Variants in KLRG1 observed in about 807,000 individuals in gnomAD.
KLRG1 encodes the protein killer cell lectin like receptor G1.
Under a neutral mutation model 21.8 loss-of-function variants are expected in KLRG1, and 16 were observed. That is an observed-to-expected ratio of 0.73 (90% CI 0.50 to 1.11). The LOEUF (loss-of-function observed/expected upper bound fraction) is 1.11, where lower values mean the gene tolerates loss of function less well. Ranked by LOEUF, KLRG1 falls within the 50% of genes most tolerant of loss-of-function variation. KLRG1 has a pLI of 0.00. For synonymous variants in KLRG1, 69 were observed against 75.9 expected, an observed-to-expected ratio of 0.91 and a Z score of 0.47; for missense variants, 173 against 218.3, an observed-to-expected ratio of 0.79 and a Z score of 1.31.
chr12:8,968,064 G>A (rs773286815), intron 1 of KLRG1, among the ~76,000 whole-genome samples: 8 of 151,898 alleles, frequency 5.3e-5, no homozygotes, highest in South Asian at 2.1e-4. Context: ...AAAGACATTC[G>A]GTTTAAAAAA....
chr12:8,977,370 A>ATTTTTT (rs1229287155), intron 1 of KLRG1, among the ~76,000 whole-genome samples: 8 of 127,832 alleles, frequency 6.3e-5, no homozygotes, highest in Non-Finnish European at 1.1e-4. Flanking sequence ...TGCCTGGCTA[A>ATTTTTT]TTTTTTTTTT....
chr12:9,068,112 A>T, the KLRG1 span: 1 of 1,516,930 alleles, frequency 6.6e-7, no homozygotes, highest in Non-Finnish European at 9.0e-7. Flanking sequence ...CCAGCGTTTT[A>T]TGAAGGAGAA....
the KLRG1 span, chr12:9,080,092 A>G: frequency 6.3e-7 from 1 of 1,579,128 alleles, no homozygotes; most frequent in Non-Finnish European, 8.6e-7. Context: ...CTGGAGACTC[A>G]CCCAAAACTG....
the KLRG1 span, chr12:9,196,467 T>C: frequency 6.3e-7 from 1 of 1,581,216 alleles, no homozygotes; most frequent in Non-Finnish European, 8.7e-7. Context: ...TCAGTACTTT[T>C]AGAAGTTACT....
intron 1 of KLRG1, among the ~76,000 whole-genome samples, chr12:8,956,166 G>GGGTGCAAAAGAACAGCA: frequency 6.6e-6 from 1 of 152,302 alleles, no homozygotes; most frequent in African/African-American, 2.4e-5. Flanking sequence ...GCCGAACAGC[G>GGGTGCAAAAGAACAGCA]GGTGCAAAAG....
chr12:9,092,289 CT>C, the KLRG1 span, among the ~76,000 whole-genome samples: 6 of 152,156 alleles, frequency 3.9e-5, no homozygotes, highest in African/African-American at 1.4e-4. Context: ...ACCTAAGGGT[CT>C]GGCTCCTAAA....
At chr12:9,162,125 C>T in the KLRG1 span, among the ~76,000 whole-genome samples, 2 of 152,094 alleles carry the variant, frequency 1.3e-5, no homozygotes, top group East Asian at 3.9e-4. Flanking sequence ...CCAGGCCTGG[C>T]TAATTTTTGT....
chr12:9,115,049 C>G, the KLRG1 span: 3 of 152,118 alleles, frequency 2.0e-5, no homozygotes, highest in Non-Finnish European at 4.4e-5. Flanking sequence ...TTTTGTGTAG[C>G]TATAAGTGCT....
At chr12:9,200,868 T>G in the KLRG1 span, 2 of 1,590,346 alleles carry the variant, frequency 1.3e-6, no homozygotes, top group Non-Finnish European at 1.7e-6. Flanking sequence ...ATGTTATGCC[T>G]TTTTCATCTT....
chr12:9,011,221 G>A (rs147560513), downstream of KLRG1, among the ~76,000 whole-genome samples: 463 of 152,276 alleles, frequency 3.0e-3, 2 homozygotes, highest in African/African-American at 0.011. Flanking sequence ...CCTATTGTCA[G>A]AATTGGGTGT....
the KLRG1 span, among the ~76,000 whole-genome samples, chr12:9,211,887 TGGGGCTCTAGTA>T: frequency 6.6e-6 from 1 of 152,252 alleles, no homozygotes; most frequent in African/African-American, 2.4e-5. Context: ...GCCTGTTAAC[TGGGGCTCTAGTA>T]GGCTTAGATT....
chr12:9,108,412 CA>C, the KLRG1 span, among the ~76,000 whole-genome samples: 1 of 152,196 alleles, frequency 6.6e-6, no homozygotes, highest in Non-Finnish European at 1.5e-5. Context: ...AGGCGTGAGC[CA>C]CCACGCCGGG....
chr12:9,104,278 G>A, the KLRG1 span: 1 of 1,613,116 alleles, frequency 6.2e-7, no homozygotes, highest in South Asian at 1.1e-5. Context: ...TGGTGGTGTT[G>A]ATAGAGAACT....
chr12:9,095,351 A>G, the KLRG1 span, among the ~76,000 whole-genome samples: 5 of 152,208 alleles, frequency 3.3e-5, no homozygotes, highest in Admixed American at 2.6e-4. Flanking sequence ...CTTGAATAAT[A>G]CTCCAAAAAG....
chr12:9,112,811 G>A, the KLRG1 span: 295 of 413,786 alleles, frequency 7.1e-4, 1 homozygote, highest in African/African-American at 5.3e-3. Context: ...TCAATTATAC[G>A]CTGAGCTTTA....
At chr12:9,135,896 G>A in the KLRG1 span, among the ~76,000 whole-genome samples, 13 of 152,254 alleles carry the variant, frequency 8.5e-5, no homozygotes, top group African/African-American at 3.1e-4. Context: ...AAGAAAATCC[G>A]TATGTCAAAG....
chr12:9,201,192 C>T, the KLRG1 span: 2 of 1,352,524 alleles, frequency 1.5e-6, no homozygotes, highest in Non-Finnish European at 2.1e-6. Flanking sequence ...AAAATACAAT[C>T]AACCTGACAA....
intron 1 of KLRG1, among the ~76,000 whole-genome samples, chr12:8,964,373 T>C (rs1464345750): frequency 6.6e-6 from 1 of 152,188 alleles, no homozygotes; most frequent in Non-Finnish European, 1.5e-5. Context: ...TCCTGAGTTC[T>C]AGTTTGATTG....
At chr12:9,182,215 T>G in the KLRG1 span, 13 of 1,160,682 alleles carry the variant, frequency 1.1e-5, no homozygotes, top group South Asian at 2.2e-5. Flanking sequence ...CTTATCCACT[T>G]GAGAACTGCG....
Sources: gnomAD v4.1 joint callset for allele counts (sites outside exome capture counted in the v4.1 genomes callset) on GRCh38, gnomAD v4.1.1 for gene constraint, MANE v1.5 for transcripts, NCBI Gene and HGNC (gene_info 2026-07-23, HGNC 2026-07-21) for gene names.